Variants in WIPI2 observed in about 807,000 individuals in gnomAD.
The protein encoded by WIPI2 is WD repeat domain, phosphoinositide interacting 2.
WIPI2 carries 28 observed loss-of-function variants against 52.3 expected under a neutral mutation model. The ratio of observed to expected loss-of-function variants is 0.54; its 90% CI spans 0.40 to 0.73. The LOEUF is 0.73. Among genes scored for constraint, WIPI2 ranks in the 30% least tolerant of loss-of-function variants. The pLI is 0.00. For synonymous variants in WIPI2, 268 were observed against 245.0 expected (o/e 1.09, Z -0.88); for missense variants, 506 against 602.9 (o/e 0.84, Z 1.68).
chr7:5,216,302 G>A, intron 4 of WIPI2: 1 of 302,784 alleles, frequency 3.3e-6, no homozygotes, highest in Non-Finnish European at 6.4e-6. Context: ...CCTGGTGGCA[G>A]TCACCTGTAA....
chr7:5,193,932 A>G (rs1203916648), intron 2 of WIPI2, among the ~76,000 whole-genome samples: 2 of 152,192 alleles, frequency 1.3e-5, no homozygotes, highest in African/African-American at 2.4e-5. Flanking sequence ...TCTGCCTGCT[A>G]TGCAAAGGAT....
chr7:5,191,470 G>T (rs1329489554), intron 1 of WIPI2, among the ~76,000 whole-genome samples: 1 of 152,184 alleles, frequency 6.6e-6, no homozygotes, highest in Non-Finnish European at 1.5e-5. Flanking sequence ...GAGCTCCAGC[G>T]GGTGGGTCAT....
At chr7:5,201,676 G>A (rs1379381791) in intron 3 of WIPI2, among the ~76,000 whole-genome samples, 2 of 152,190 alleles carry the variant, frequency 1.3e-5, no homozygotes, top group Admixed American at 6.5e-5. Context: ...AACCCAGGAG[G>A]CAGAGGTTGC....
At position 5,206,320 on chromosome 7, in the gene WIPI2, C is replaced by G. The variant is rs555430455; in HGVS notation, c.211+6662C>G. ...ACTCTGAAGCATTTAGGGTGAATGT[C>G]AGAAGGAGCTTCTCTTCCAAACTTC... On this transcript the variant is annotated intron_variant, in intron 3 of 12. Coordinates refer to ENST00000288828, the MANE Select transcript of WIPI2 (RefSeq NM_015610.4). Among the ~76,000 whole-genome samples, 8 of 152,282 alleles carry G rather than the reference C, an allele frequency of 5.3e-5. No homozygotes were observed. In the South Asian group the frequency reaches 1.2e-3, roughly 24 times the overall value.
At chr7:5,225,377 A>G (rs1176069498) in intron 8 of WIPI2, among the ~76,000 whole-genome samples, 2 of 152,072 alleles carry the variant, frequency 1.3e-5, no homozygotes, top group Non-Finnish European at 2.9e-5. Flanking sequence ...TCTTGACCTC[A>G]TGATCCGCCC....
chr7:5,195,258 G>A (rs1781690584), intron 2 of WIPI2, among the ~76,000 whole-genome samples: 1 of 152,148 alleles, frequency 6.6e-6, no homozygotes, highest in African/African-American at 2.4e-5. Context: ...AGGCCAAGGT[G>A]GGAGGATCCC....
At chr7:5,217,896 A>G in intron 6 of WIPI2, 26 bp from the exon 7 acceptor site, 2 of 1,613,428 alleles carry the variant, frequency 1.2e-6, no homozygotes, top group Non-Finnish European at 1.7e-6. Context: ...TGCGGTGGCC[A>G]CTCTTTATTG....
intron 3 of WIPI2, among the ~76,000 whole-genome samples, chr7:5,201,001 C>A (rs767178884): frequency 6.6e-6 from 1 of 152,218 alleles, no homozygotes; most frequent in Non-Finnish European, 1.5e-5. Flanking sequence ...TCCAAAAAAG[C>A]CTTTCTTCTG....
chr7:5,202,687 C>T (rs1045546929), intron 3 of WIPI2, among the ~76,000 whole-genome samples: 8 of 152,300 alleles, frequency 5.3e-5, no homozygotes, highest in African/African-American at 1.7e-4. Flanking sequence ...CATCCAGCCT[C>T]TCATATGATC....
At chr7:5,221,958 T>C (rs992709627) in intron 7 of WIPI2, among the ~76,000 whole-genome samples, 1 of 101,492 alleles carries the variant, frequency 9.9e-6, no homozygotes, top group Non-Finnish European at 2.1e-5. Flanking sequence ...TTTATTTTTT[T>C]TTTTTTTCCC....
In WIPI2 at chr7:5,227,222, A is replaced by G. The variant is rs547758853; in HGVS notation, c.891A>G (p.Lys297=). The G allele has an allele frequency of 2.8e-5, 45 of 1,614,046 alleles. No individual in the cohort carries two copies. In the South Asian group the frequency reaches 4.4e-4, roughly 16 times the overall value. The change falls in exon 10 of 13, where the codon AAA becomes AAG. Residue 297 remains lysine (K), a synonymous_variant. Coordinates refer to ENST00000288828, the MANE Select transcript of WIPI2 (RefSeq NM_015610.4). The surrounding 1 kb of genome is among the most constrained non-coding windows in gnomAD (Gnocchi z 8.1). Reference sequence around the variant, plus strand: ...CCACCTGGACCGGGTACTTCGGGAAAGTGCTCATGGCCTCCACCAGCTACC... The same window carrying G: ...CCACCTGGACCGGGTACTTCGGGAAGGTGCTCATGGCCTCCACCAGCTACC... ...EPTTWTGYFG[K]VLMASTSYLP...
intron 3 of WIPI2, among the ~76,000 whole-genome samples, chr7:5,207,091 T>TGC (rs1782330712): frequency 6.6e-6 from 1 of 152,140 alleles, no homozygotes; most frequent in Non-Finnish European, 1.5e-5. Flanking sequence ...TGTGTGTGTG[T>TGC]GCATTTCCAG....
chr7:5,201,435 T>C (rs1782020126), intron 3 of WIPI2, among the ~76,000 whole-genome samples: 1 of 152,242 alleles, frequency 6.6e-6, no homozygotes, highest in South Asian at 2.1e-4. Flanking sequence ...ATGGGATGTC[T>C]TGATAGTATC....
At chr7:5,225,791 G>C in intron 8 of WIPI2, 32 bp from the exon 9 acceptor site, 1 of 1,557,254 alleles carries the variant, frequency 6.4e-7, no homozygotes, top group South Asian at 1.1e-5. Context: ...TGCTGGCTCC[G>C]GTGGCCCGCC....
At chr7:5,207,854 C>G (rs568936717) in intron 3 of WIPI2, among the ~76,000 whole-genome samples, 1 of 151,434 alleles carries the variant, frequency 6.6e-6, no homozygotes. Context: ...CAACCTCCAC[C>G]TCTGGGGTTC....
chr7:5,191,661 G>A (rs1408596470), intron 1 of WIPI2, among the ~76,000 whole-genome samples: 3 of 152,206 alleles, frequency 2.0e-5, no homozygotes, highest in Non-Finnish European at 2.9e-5. Context: ...CATCTTGGAA[G>A]TGAGTAAGAG....
At chr7:5,221,460 C>A (rs1783125520) in intron 7 of WIPI2, among the ~76,000 whole-genome samples, 1 of 152,222 alleles carries the variant, frequency 6.6e-6, no homozygotes, top group Non-Finnish European at 1.5e-5. Context: ...AATAATTCTT[C>A]CTGCCCTGCA....
Position 5,190,503 on chromosome 7 carries a change from G to C in WIPI2, c.74+10G>C. 6.7e-7 allele frequency: 1 copy of C among 1,495,982 alleles called. No homozygotes were observed. Among genetic ancestry groups the C allele is most frequent in the Non-Finnish European group, 8.9e-7 (1 of 1,120,242 alleles). The allele number at this position is 1,495,982 out of a possible 1,614,324, so 92.7% of individuals were successfully genotyped here. A position where few individuals can be genotyped will look rare whatever the true frequency, so the allele number is the denominator to read the frequency against. Reference sequence around the variant, plus strand: ...TCAACCAGGACAACACGTAAGGCCGGGGTCGGGGGTCGGAGTCGGGGTGAG... The same window carrying C: ...TCAACCAGGACAACACGTAAGGCCGCGGTCGGGGGTCGGAGTCGGGGTGAG... On this transcript the variant is annotated intron_variant, in intron 1 of 12. Transcript: ENST00000288828.
At chr7:5,209,571 G>T (rs911068037) in intron 3 of WIPI2, among the ~76,000 whole-genome samples, 10 of 152,134 alleles carry the variant, frequency 6.6e-5, no homozygotes, top group African/African-American at 2.4e-4. Context: ...CAGTTGAATT[G>T]GAATTTATCA....
Sources: allele counts gnomAD v4.1 joint callset (sites outside exome capture counted in the v4.1 genomes callset), GRCh38; gene constraint gnomAD v4.1.1; non-coding constraint Gnocchi (gnomAD v3.1); transcripts MANE v1.5; gene names NCBI Gene and HGNC (gene_info 2026-07-23, HGNC 2026-07-21).